Variants in BMPER observed in about 807,000 individuals in gnomAD.
BMPER encodes BMP-binding endothelial regulator protein.
Under a neutral mutation model 87.3 loss-of-function variants are expected in BMPER, and 45 were observed. The observed-to-expected ratio is 0.52, with a 90% CI of 0.41 to 0.66. The LOEUF (loss-of-function observed/expected upper bound fraction) is 0.66, where lower values mean the gene tolerates loss of function less well. BMPER is among the 30% of genes least tolerant of loss of function. The pLI is 0.00. For missense variants in BMPER, 784 were observed against 867.5 expected, an observed-to-expected ratio of 0.90 and a Z score of 1.21; for synonymous variants, 326 against 316.2, an observed-to-expected ratio of 1.03 and a Z score of -0.33.
At chr7:34,113,675 G>A (rs1291161419) in intron 13 of BMPER, among the ~76,000 whole-genome samples, 1 of 152,038 alleles carries the variant, frequency 6.6e-6, no homozygotes, top group Non-Finnish European at 1.5e-5. Context: ...TCATGCGCCA[G>A]GTAGCGTGCC....
intron 6 of BMPER, among the ~76,000 whole-genome samples, chr7:33,990,124 TTAAAG>T (rs1262571983): frequency 6.8e-6 from 1 of 147,724 alleles, no homozygotes; most frequent in Non-Finnish European, 1.5e-5. Context: ...CATATGAACT[TTAAAG>T]TAGTTTTTTC....
chr7:34,017,348 G>A (rs1043591973), intron 6 of BMPER, among the ~76,000 whole-genome samples: 1 of 151,842 alleles, frequency 6.6e-6, no homozygotes, highest in African/African-American at 2.4e-5. Context: ...CCTCATGGCT[G>A]CGGGGACCTC....
At chr7:33,944,079 A>G (rs1266087007) in intron 3 of BMPER, among the ~76,000 whole-genome samples, 2 of 152,194 alleles carry the variant, frequency 1.3e-5, no homozygotes, top group Non-Finnish European at 2.9e-5. Context: ...AATTTAGAAT[A>G]TAGGCTAGAT....
intron 13 of BMPER, among the ~76,000 whole-genome samples, chr7:34,121,959 A>T (rs956268110): frequency 4.7e-5 from 7 of 148,794 alleles, no homozygotes; most frequent in East Asian, 2.0e-4. Context: ...CATCTCTACA[A>T]TTTTTTTTTT....
At chr7:34,083,163 C>T (rs888917387) in intron 12 of BMPER, among the ~76,000 whole-genome samples, 5 of 152,152 alleles carry the variant, frequency 3.3e-5, no homozygotes, top group African/African-American at 4.8e-5. Flanking sequence ...TTACTGAGTA[C>T]GTACTATGTG....
In BMPER at chr7:33,974,781, C is replaced by T. The variant is rs778023536; in HGVS notation, c.573C>T (p.Cys191=). 6.2e-7 allele frequency: 1 copy of T among 1,613,888 alleles called. No homozygotes were observed. Among genetic ancestry groups the T allele is most frequent in the Non-Finnish European group, 8.5e-7 (1 of 1,179,774 alleles). ...PEGSKCTKCS[C]TGGRTQCVRE... Reference sequence around the variant, plus strand: ...GAAGCAAATGTACCAAGTGTTCCTGCACTGTAAGTCCTGCTGTGGATGTTC... The same window carrying T: ...GAAGCAAATGTACCAAGTGTTCCTGTACTGTAAGTCCTGCTGTGGATGTTC... The change falls in exon 6 of 15, where the codon TGC becomes TGT. Residue 191 remains cysteine (C), a synonymous_variant. Coordinates refer to ENST00000649409, the MANE Select transcript of BMPER (RefSeq NM_001365308.1).
intron 6 of BMPER, among the ~76,000 whole-genome samples, chr7:34,009,881 T>A (rs1025842804): frequency 6.6e-5 from 10 of 151,936 alleles, no homozygotes. Context: ...ACTAGCTACT[T>A]ATTCATAAGA....
At chr7:33,918,734 G>A (rs1784144151) in intron 2 of BMPER, among the ~76,000 whole-genome samples, 1 of 152,208 alleles carries the variant, frequency 6.6e-6, no homozygotes, top group Non-Finnish European at 1.5e-5. Flanking sequence ...GACTTGAGTT[G>A]TGGTAATTTC....
intron 2 of BMPER, among the ~76,000 whole-genome samples, chr7:33,933,292 G>C (rs1203387545): frequency 6.6e-6 from 1 of 152,156 alleles, no homozygotes; most frequent in Non-Finnish European, 1.5e-5. Flanking sequence ...TAAAGAATCG[G>C]TTAACTATCT....
chr7:34,032,100 C>T (rs1194271869), intron 6 of BMPER, among the ~76,000 whole-genome samples: 1 of 150,776 alleles, frequency 6.6e-6, no homozygotes, highest in African/African-American at 2.4e-5. Context: ...TTGTTCTGTT[C>T]TTTTCATGAA....
intron 2 of BMPER, among the ~76,000 whole-genome samples, chr7:33,927,346 T>G (rs1784385437): frequency 6.6e-6 from 1 of 152,166 alleles, no homozygotes; most frequent in Non-Finnish European, 1.5e-5. Context: ...GAAGGAGACA[T>G]GCGCTGATGA....
At chr7:34,100,358 A>G (rs1789647804) in intron 13 of BMPER, among the ~76,000 whole-genome samples, 2 of 152,106 alleles carry the variant, frequency 1.3e-5, no homozygotes, top group South Asian at 4.1e-4. Flanking sequence ...TCAGAGAAGG[A>G]CCTCCATGAG....
At chr7:33,991,727 C>A (rs924423266) in intron 6 of BMPER, among the ~76,000 whole-genome samples, 7 of 150,624 alleles carry the variant, frequency 4.6e-5, no homozygotes, top group Non-Finnish European at 8.9e-5. Context: ...AATTTTGGAT[C>A]TTTCCTGCCT....
intron 13 of BMPER, among the ~76,000 whole-genome samples, chr7:34,127,595 A>C (rs1354828304): frequency 3.3e-5 from 5 of 151,930 alleles, no homozygotes; most frequent in African/African-American, 1.2e-4. Context: ...ATACAAACTC[A>C]TCATCTCTCC....
intron 6 of BMPER, among the ~76,000 whole-genome samples, chr7:34,031,927 TACACACACAC>T (rs59791505): frequency 1.8e-5 from 1 of 55,474 alleles, no homozygotes; most frequent in Non-Finnish European, 3.4e-5. Context: ...TATATATATA[TACACACACAC>T]ACACACATAT....
intron 6 of BMPER, among the ~76,000 whole-genome samples, chr7:34,039,014 C>G (rs1036720645): frequency 2.0e-5 from 3 of 152,242 alleles, no homozygotes; most frequent in African/African-American, 7.2e-5. Flanking sequence ...TCCACCCGCA[C>G]TGTTTCTCGC....
At chr7:33,932,628 T>C (rs1006700278) in intron 2 of BMPER, among the ~76,000 whole-genome samples, 65 of 152,160 alleles carry the variant, frequency 4.3e-4, no homozygotes, top group Non-Finnish European at 7.8e-4. Flanking sequence ...TGTGATGGTG[T>C]TTCATAGTCT....
At chr7:33,908,623 CAATT>C (rs1783879444) in intron 2 of BMPER, among the ~76,000 whole-genome samples, 1 of 152,170 alleles carries the variant, frequency 6.6e-6, no homozygotes, top group Admixed American at 6.6e-5. Context: ...AGAAAAGTAT[CAATT>C]AAATTCAGAA....
At chr7:34,067,905 G>A (rs1170232595) in intron 11 of BMPER, among the ~76,000 whole-genome samples, 2 of 152,188 alleles carry the variant, frequency 1.3e-5, no homozygotes, top group African/African-American at 4.8e-5. Flanking sequence ...AGTTGAAGGA[G>A]ACTGAAGTTA....
Sources: allele counts gnomAD v4.1 joint callset (sites outside exome capture counted in the v4.1 genomes callset), GRCh38; gene constraint gnomAD v4.1.1; transcripts MANE v1.5; gene names NCBI Gene and HGNC (gene_info 2026-07-23, HGNC 2026-07-21).